The following SCUBE1 variants were observed in gnomAD, a reference collection of about 807,000 sequenced individuals.
SCUBE1 encodes signal peptide, CUB domain and EGF like domain containing 1, also known as signal peptide, CUB and EGF-like domain-containing protein 1.
Under a neutral mutation model 124.4 loss-of-function variants are expected in SCUBE1, and 59 were observed. That is an observed-to-expected ratio of 0.47 (90% CI 0.38 to 0.59). The LOEUF (loss-of-function observed/expected upper bound fraction) is 0.59, where lower values mean the gene tolerates loss of function less well. Ranked by LOEUF, SCUBE1 falls within the 20% of genes least tolerant of loss-of-function variation. The pLI, the probability that SCUBE1 is intolerant of heterozygous loss-of-function variation, is 0.00. For missense variants in SCUBE1, 1,150 were observed against 1,371.2 expected (o/e 0.84, Z 2.55); for synonymous variants, 545 against 550.9 (o/e 0.99, Z 0.15).
chr22:43,268,224 C>T (rs964745818), intron 4 of SCUBE1, among the ~76,000 whole-genome samples: 1 of 152,212 alleles, frequency 6.6e-6, no homozygotes, highest in Non-Finnish European at 1.5e-5. Flanking sequence ...ACGGAAGGGC[C>T]CCAGTTCAAA....
intron 10 of SCUBE1, among the ~76,000 whole-genome samples, chr22:43,224,110 C>T (rs1020051624): frequency 1.8e-4 from 28 of 152,234 alleles, no homozygotes; most frequent in Admixed American, 1.4e-3. Context: ...CTGATCTCAT[C>T]CTTTGGTAAT....
chr22:43,271,275 C>T (rs1460579136), intron 4 of SCUBE1, among the ~76,000 whole-genome samples: 1 of 152,196 alleles, frequency 6.6e-6, no homozygotes, highest in Middle Eastern at 3.2e-3. Flanking sequence ...TCCCTCCCTC[C>T]AGATGGGGCA....
chr22:43,335,744 G>A (rs1927042762), intron 2 of SCUBE1, among the ~76,000 whole-genome samples: 1 of 151,756 alleles, frequency 6.6e-6, no homozygotes, highest in Non-Finnish European at 1.5e-5. Flanking sequence ...AACAGGTGAT[G>A]ATGATGATGA....
At chr22:43,323,588 ACATCCATCCATCCATC>A (rs56143728) in intron 2 of SCUBE1, among the ~76,000 whole-genome samples, 24 of 148,724 alleles carry the variant, frequency 1.6e-4, no homozygotes, top group East Asian at 2.0e-4. Context: ...ACCCATCCAA[ACATCCATCCATCCATC>A]CATCCATCCA....
chr22:43,269,777 G>T (rs1487164949), intron 4 of SCUBE1, among the ~76,000 whole-genome samples: 1 of 152,180 alleles, frequency 6.6e-6, no homozygotes, highest in East Asian at 1.9e-4. Flanking sequence ...AGCTGTCCAA[G>T]CCATGCAGGG....
chr22:43,281,381 A>T (rs535165799), intron 4 of SCUBE1, among the ~76,000 whole-genome samples: 81 of 41,908 alleles, frequency 1.9e-3, no homozygotes, highest in Non-Finnish European at 2.4e-3. Flanking sequence ...CCCTTCTGTC[A>T]TCTCCTCCTC....
chr22:43,227,296 C>T, intron 10 of SCUBE1, 78 bp downstream of exon 10: 2 of 1,504,416 alleles, frequency 1.3e-6, no homozygotes, highest in Non-Finnish European at 1.8e-6. Flanking sequence ...TGCTCACCCC[C>T]ACCTCAGAAA....
At chr22:43,331,124 C>A (rs932627626) in intron 2 of SCUBE1, among the ~76,000 whole-genome samples, 6 of 152,130 alleles carry the variant, frequency 3.9e-5, no homozygotes, top group African/African-American at 1.4e-4. Flanking sequence ...TGATGTTAAA[C>A]TAAATGGATC....
intron 15 of SCUBE1, among the ~76,000 whole-genome samples, chr22:43,215,434 G>A (rs1921768394): frequency 6.6e-6 from 1 of 152,252 alleles, no homozygotes; most frequent in Non-Finnish European, 1.5e-5. Flanking sequence ...GGAACAAATG[G>A]TAGAGGTGGC....
At chr22:43,227,292 C>A (rs1370373148) in intron 10 of SCUBE1, 82 bp downstream of exon 10, 5 of 1,474,392 alleles carry the variant, frequency 3.4e-6, no homozygotes, top group African/African-American at 2.8e-5. Context: ...GTCCTGCTCA[C>A]CCCCACCTCA....
At chr22:43,206,964 C>T (rs1047166099) in intron 21 of SCUBE1, among the ~76,000 whole-genome samples, 6 of 152,170 alleles carry the variant, frequency 3.9e-5, no homozygotes, top group Non-Finnish European at 8.8e-5. Context: ...GAAGAAGTGA[C>T]AGCGGGAGCG....
At chr22:43,254,371 T>C (rs5759231) in intron 6 of SCUBE1, among the ~76,000 whole-genome samples, 5,708 of 152,228 alleles carry the variant, frequency 0.037, 133 homozygotes, top group East Asian at 0.066. Flanking sequence ...CAAGGCCATA[T>C]CCCCTGTGGC....
intron 2 of SCUBE1, among the ~76,000 whole-genome samples, chr22:43,326,398 C>T (rs192384039): frequency 3.9e-5 from 6 of 152,082 alleles, no homozygotes; most frequent in East Asian, 1.9e-4. Context: ...AATCTTAATC[C>T]GGTTTGTTGG....
chr22:43,268,085 T>C (rs1462117291), intron 4 of SCUBE1, among the ~76,000 whole-genome samples: 2 of 152,192 alleles, frequency 1.3e-5, no homozygotes, highest in Non-Finnish European at 1.5e-5. Flanking sequence ...GCCAGGTCCA[T>C]GCAGCCAGTG....
chr22:43,330,586 G>A (rs1028247516), intron 2 of SCUBE1, among the ~76,000 whole-genome samples: 5 of 152,240 alleles, frequency 3.3e-5, no homozygotes, highest in Admixed American at 6.5e-5. Flanking sequence ...GGTGCTCAGT[G>A]AACATTCTTG....
chr22:43,222,453 G>A (rs545997089), intron 12 of SCUBE1, among the ~76,000 whole-genome samples, 185 bp downstream of exon 12: 7 of 152,340 alleles, frequency 4.6e-5, no homozygotes, highest in African/African-American at 9.6e-5. Context: ...GCTAGAACTC[G>A]GCCTGCAGCC....
At chr22:43,260,776 C>G (rs1923841863) in intron 5 of SCUBE1, among the ~76,000 whole-genome samples, 1 of 152,214 alleles carries the variant, frequency 6.6e-6, no homozygotes, top group African/African-American at 2.4e-5. Flanking sequence ...GCACATATTC[C>G]AGGCAAGGGT....
At chr22:43,238,475 T>C in intron 7 of SCUBE1, 1 of 570,314 alleles carries the variant, frequency 1.8e-6, no homozygotes, top group South Asian at 2.3e-5. Context: ...CGCTACATTC[T>C]ACGCGCCTTG....
chr22:43,308,119 T>G (rs1424643994), intron 3 of SCUBE1, among the ~76,000 whole-genome samples: 3 of 152,224 alleles, frequency 2.0e-5, no homozygotes, highest in Non-Finnish European at 4.4e-5. Flanking sequence ...TCCCCTTTTT[T>G]GTAGCGATTT....
Sources: gnomAD v4.1 joint callset for allele counts (sites outside exome capture counted in the v4.1 genomes callset) on GRCh38, gnomAD v4.1.1 for gene constraint, MANE v1.5 for transcripts, NCBI Gene and HGNC (gene_info 2026-07-23, HGNC 2026-07-21) for gene names.